ASXL3: variants seen among roughly 807,000 people sequenced by gnomAD.
The protein encoded by ASXL3 is ASXL transcriptional regulator 3.
Under a neutral mutation model 170.6 loss-of-function variants are expected in ASXL3, and 34 were observed. That is an observed-to-expected ratio of 0.20 (90% CI 0.15 to 0.27). The LOEUF (loss-of-function observed/expected upper bound fraction) is 0.27, where lower values mean the gene tolerates loss of function less well. ASXL3 is among the 10% of genes least tolerant of loss of function. The pLI is 1.00. For synonymous variants in ASXL3, 1,002 were observed against 989.1 expected (o/e 1.01, Z -0.24); for missense variants, 2,592 against 2,695.3 (o/e 0.96, Z 0.85).
At chr18:33,661,246 T>G (rs150818174) in intron 4 of ASXL3, among the ~76,000 whole-genome samples, 296 of 152,238 alleles carry the variant, frequency 1.9e-3, no homozygotes, top group South Asian at 3.9e-3. Context: ...TATTGTTTTT[T>G]TTTGTTTGTT....
chr18:33,707,979 A>C (rs2066990733), intron 8 of ASXL3, among the ~76,000 whole-genome samples: 2 of 152,272 alleles, frequency 1.3e-5, no homozygotes, highest in Admixed American at 1.3e-4. Flanking sequence ...CCTAGAATGA[A>C]CTTACATACA....
At chr18:33,612,772 CTT>C (rs2065357047) in intron 2 of ASXL3, among the ~76,000 whole-genome samples, 1 of 152,092 alleles carries the variant, frequency 6.6e-6, no homozygotes, top group African/African-American at 2.4e-5. Flanking sequence ...ATGATTCTTT[CTT>C]GCCGCTGCAA....
At position 33,745,058 on chromosome 18, in the gene ASXL3, G is replaced by A. The variant is rs1206556531; in HGVS notation, c.5210G>A (p.Gly1737Asp). ...LKRVPGAGSS[G>D]CRLSSVEANN... ...AGAGTCCCTGGTGCAGGGAGCTCAGGCTGTCGTCTGTCCTCTGTGGAGGCT... is the reference window on the plus strand; with the variant it reads ...AGAGTCCCTGGTGCAGGGAGCTCAGACTGTCGTCTGTCCTCTGTGGAGGCT... The change falls in exon 12 of 12, where the codon GGC becomes GAC. Residue 1737 changes from glycine to aspartate, a missense_variant. By Grantham distance (94) the Gly-to-Asp change is moderately conservative. Around this residue, in one of 4 missense-constraint regions of ASXL3, gnomAD observed 2,246 missense variants for 2,219.6 expected, o/e 1.01. Coordinates refer to ENST00000269197, the MANE Select transcript of ASXL3 (RefSeq NM_030632.3). The A allele has an allele frequency of 1.2e-6, 2 of 1,613,882 alleles. No individual in the cohort carries two copies. Among genetic ancestry groups the A allele is most frequent in the Non-Finnish European group, 8.5e-7 (1 of 1,179,900 alleles).
chr18:33,741,479 T>G (rs1305541213), intron 11 of ASXL3, among the ~76,000 whole-genome samples: 1 of 152,224 alleles, frequency 6.6e-6, no homozygotes, highest in Non-Finnish European at 1.5e-5. Context: ...ATGTTTGGTC[T>G]TAAGAGCTCT....
intron 1 of ASXL3, among the ~76,000 whole-genome samples, chr18:33,599,577 G>T (rs1029451526): frequency 2.6e-5 from 4 of 152,114 alleles, no homozygotes; most frequent in Non-Finnish European, 5.9e-5. Context: ...AAACAATGGG[G>T]ATTACAAAAG....
At chr18:33,686,882 T>A (rs1331774300) in intron 8 of ASXL3, among the ~76,000 whole-genome samples, 1 of 152,212 alleles carries the variant, frequency 6.6e-6, no homozygotes, top group Non-Finnish European at 1.5e-5. Flanking sequence ...GTCCTTAATT[T>A]CTTTTTTGGG....
intron 2 of ASXL3, among the ~76,000 whole-genome samples, chr18:33,619,494 C>T (rs1239984873): frequency 1.3e-5 from 2 of 150,486 alleles, no homozygotes; most frequent in Non-Finnish European, 3.0e-5. Flanking sequence ...TTGGAGGATG[C>T]AAAACCTCAC....
intron 1 of ASXL3, among the ~76,000 whole-genome samples, chr18:33,599,387 A>G (rs1568269932): frequency 6.6e-6 from 1 of 152,134 alleles, no homozygotes; most frequent in Non-Finnish European, 1.5e-5. Context: ...TTGAACATGT[A>G]TAGATAAAGT....
At position 33,739,562 on chromosome 18, in the gene ASXL3, T is replaced by C; in HGVS notation, c.2158T>C (p.Ser720Pro). Residue 720 changes from serine (S) to proline (P), a missense_variant, in exon 11 of 12, where the codon TCT becomes CCT. By Grantham distance (74) the Ser-to-Pro change is moderately conservative. This residue lies in a region of ASXL3 where 2,246 missense variants were observed against 2,219.6 expected (regional missense o/e 1.01). Coordinates refer to ENST00000269197, the MANE Select transcript of ASXL3 (RefSeq NM_030632.3). ...TTTAACATCAGAAACCTCACCGATG[T>C]CTGACTTACCTTTAACATCAGAAAC... ...LPLTSETSPMSDLPLTSETSS... is the reference protein window; with the variant it reads ...LPLTSETSPMPDLPLTSETSS... 1 of 1,613,992 alleles carries C rather than the reference T, an allele frequency of 6.2e-7. No homozygotes were observed. Among genetic ancestry groups the C allele is most frequent in the Non-Finnish European group, 8.5e-7 (1 of 1,179,868 alleles).
chr18:33,664,000 C>T (rs749237578), intron 5 of ASXL3, among the ~76,000 whole-genome samples: 2 of 151,954 alleles, frequency 1.3e-5, no homozygotes. Context: ...TGTATGTATA[C>T]ATGCACAATC....
At chr18:33,605,416 T>C (rs1170047492) in intron 1 of ASXL3, 1 of 152,132 alleles carries the variant, frequency 6.6e-6, no homozygotes, top group African/African-American at 2.4e-5. Flanking sequence ...TCTCCTTCTC[T>C]CTGTTCTCTG....
At chr18:33,641,379 A>C (rs1327995339) in intron 2 of ASXL3, among the ~76,000 whole-genome samples, 1 of 151,990 alleles carries the variant, frequency 6.6e-6, no homozygotes, top group Non-Finnish European at 1.5e-5. Flanking sequence ...AGAAGGGTCC[A>C]CAGCCTTACA....
chr18:33,720,487 C>T (rs1029593729), intron 8 of ASXL3, among the ~76,000 whole-genome samples: 10 of 152,086 alleles, frequency 6.6e-5, no homozygotes, highest in Non-Finnish European at 1.5e-4. Context: ...CCTTCCCCCT[C>T]TGCTACACAC....
intron 2 of ASXL3, among the ~76,000 whole-genome samples, chr18:33,613,000 A>G (rs2145134796): frequency 6.6e-6 from 1 of 152,244 alleles, no homozygotes; most frequent in South Asian, 2.1e-4. Context: ...GTGCACAGTC[A>G]GCTACTTAGA....
chr18:33,609,697 T>C (rs2065304814), intron 2 of ASXL3, among the ~76,000 whole-genome samples: 1 of 151,956 alleles, frequency 6.6e-6, no homozygotes, highest in African/African-American at 2.4e-5. Context: ...ACTACATCAC[T>C]ATTTGTCCTT....
intron 1 of ASXL3, among the ~76,000 whole-genome samples, chr18:33,594,254 A>C (rs2145102364): frequency 6.6e-6 from 1 of 152,314 alleles, no homozygotes; most frequent in East Asian, 1.9e-4. Context: ...TGTGAGTCCT[A>C]ATTTAGGGTT....
chr18:33,614,544 C>G (rs2065389383), intron 2 of ASXL3: 1 of 152,168 alleles, frequency 6.6e-6, no homozygotes, highest in Non-Finnish European at 1.5e-5. Flanking sequence ...CATGAATGTT[C>G]TCAACGGCAT....
At chr18:33,609,167 A>G (rs1221677562) in intron 2 of ASXL3, 13 of 637,600 alleles carry the variant, frequency 2.0e-5, no homozygotes, top group Non-Finnish European at 2.3e-5. Flanking sequence ...AATCAGGAAA[A>G]CAGGAGATTA....
At chr18:33,721,795 T>A (rs961446200) in intron 8 of ASXL3, among the ~76,000 whole-genome samples, 1 of 152,098 alleles carries the variant, frequency 6.6e-6, no homozygotes, top group Non-Finnish European at 1.5e-5. Context: ...TCACAAATAC[T>A]GTTTTTTTTA....
Sources: allele counts gnomAD v4.1 joint callset (sites outside exome capture counted in the v4.1 genomes callset), GRCh38; gene constraint gnomAD v4.1.1; regional missense constraint gnomAD v4.1.1; transcripts MANE v1.5; gene names NCBI Gene and HGNC (gene_info 2026-07-23, HGNC 2026-07-21).